The following DENND1C variants were observed in gnomAD, a reference collection of about 807,000 sequenced individuals.
DENND1C encodes DENN domain containing 1C, also known as DENN domain-containing protein 1C.
In DENND1C, 64 loss-of-function variants were observed where a neutral mutation model predicts 87.9. That is an observed-to-expected ratio of 0.73 (90% confidence interval 0.60 to 0.90). The LOEUF (loss-of-function observed/expected upper bound fraction) is 0.90. Among genes scored for constraint, DENND1C ranks in the 40% least tolerant of loss-of-function variants. The pLI, the probability that DENND1C is intolerant of heterozygous loss-of-function variation, is 0.00. For missense variants in DENND1C, 980 were observed against 1,037.0 expected (o/e 0.95, Z 0.76); for synonymous variants, 384 against 424.4 (o/e 0.90, Z 1.17).
intron 6 of DENND1C, among the ~76,000 whole-genome samples, chr19:6,478,198 C>T (rs1487224495): frequency 6.6e-6 from 1 of 152,166 alleles, no homozygotes; most frequent in East Asian, 1.9e-4. Context: ...CCTTGCTCTC[C>T]TGAGTAGCTG....
intron 17 of DENND1C, among the ~76,000 whole-genome samples, chr19:6,470,610 G>GTTTTTTTTT (rs1555747420): frequency 9.9e-6 from 1 of 100,692 alleles, no homozygotes. Flanking sequence ...TCAAAGAACA[G>GTTTTTTTTT]TTTTTTTTTG....
intron 1 of DENND1C, among the ~76,000 whole-genome samples, chr19:6,480,749 T>C (rs924401043): frequency 2.0e-5 from 3 of 151,668 alleles, no homozygotes; most frequent in African/African-American, 7.3e-5. Context: ...GGATTACAGG[T>C]GCCCGCCACC....
At chr19:6,469,159 G>A (rs995299573) in intron 19 of DENND1C, among the ~76,000 whole-genome samples, 14 of 152,090 alleles carry the variant, frequency 9.2e-5, no homozygotes, top group African/African-American at 3.4e-4. Flanking sequence ...AGCTTCCCAA[G>A]TAGCTGGGAT....
intron 17 of DENND1C, among the ~76,000 whole-genome samples, chr19:6,470,773 C>T (rs2092824581): frequency 6.6e-6 from 1 of 150,778 alleles, no homozygotes; most frequent in Admixed American, 6.6e-5. Flanking sequence ...AGGCGCCTGC[C>T]ACCACACCCG....
Position 6,467,403 on chromosome 19 carries a change from C to A in DENND1C, c.*101G>T. 1 of 1,396,894 alleles carries A rather than the reference C, an allele frequency of 7.2e-7. No homozygotes were observed. Among genetic ancestry groups the A allele is most frequent in the Non-Finnish European group, 9.4e-7 (1 of 1,066,848 alleles). 86.5% of individuals were successfully genotyped at this position (1,396,894 alleles called of 1,614,324 possible). On this transcript the variant is annotated 3_prime_UTR_variant, in exon 23 of 23. Coordinates refer to ENST00000381480, the MANE Select transcript of DENND1C (RefSeq NM_024898.4). The stretch of plus-strand genomic sequence containing the variant: ...GAGGTGGGTGGGATGGATTTCCGAG[C>A]AGAGTGAGGGCACCAGAGAAATTCA...
At chr19:6,480,464 C>CTA (rs1405122034) in intron 1 of DENND1C, 36 of 975,342 alleles carry the variant, frequency 3.7e-5, no homozygotes, top group South Asian at 9.5e-5. Context: ...CTCTCTCTCT[C>CTA]TATATATATA....
Position 6,468,931 on chromosome 19 carries a change from C to T in DENND1C, c.1430G>A (p.Arg477Lys), listed in dbSNP as rs772591704. ...MYKDGDSVLQ[R>K]GGSLRAPALP... ...GGCTGGGGCCCTCAGAGAGCCCCCC[C>T]TCTGCAGGACAGAGTCCCCATCCTA... Residue 477 changes from arginine (R) to lysine (K), a missense_variant, in exon 20 of 23, where the codon AGG (arginine) becomes AAG (lysine). Coordinates refer to ENST00000381480, the MANE Select transcript of DENND1C (RefSeq NM_024898.4). 2.1e-6 allele frequency: 3 copies of T among 1,454,694 alleles called. No individual in the cohort carries two copies. Among genetic ancestry groups the T allele is most frequent in the Non-Finnish European group, 1.8e-6 (2 of 1,106,584 alleles). 90.1% of individuals were successfully genotyped at this position (1,454,694 alleles called of 1,614,324 possible). A position where few individuals can be genotyped will look rare whatever the true frequency, so the allele number is the denominator to read the frequency against.
At chr19:6,477,333 CCCAT>C (rs1247213187) in intron 7 of DENND1C, 41 bp downstream of exon 7, 1 of 1,608,912 alleles carries the variant, frequency 6.2e-7, no homozygotes, top group African/African-American at 1.3e-5. Flanking sequence ...ACGCAGCCTT[CCCAT>C]CCACCTAAGG....
In DENND1C at chr19:6,479,919, G is replaced by A. The variant is rs903105364; in HGVS notation, c.83-17C>T. 11 of 1,598,676 alleles carry A rather than the reference G, an allele frequency of 6.9e-6. No homozygotes were observed. Among genetic ancestry groups the A allele is most frequent in the African/African-American group, 1.3e-5 (1 of 74,662 alleles). On this transcript the variant is annotated splice_polypyrimidine_tract_variant and intron_variant, in intron 2 of 22. Transcript: ENST00000381480. ...TGGGGGGATCTGTAGAAGAGAGCAC[G>A]CCTCTAAGTTCAGCGACCCAGGCCC...
chr19:6,479,532 C>G, intron 4 of DENND1C, 137 bp downstream of exon 4: 1 of 1,080,274 alleles, frequency 9.3e-7, no homozygotes, highest in Non-Finnish European at 1.4e-6. Flanking sequence ...CTCAGGGCCC[C>G]TGAGTGTCTG....
At chr19:6,477,030 GT>G in intron 9 of DENND1C, 43 bp downstream of exon 9, 1 of 1,613,354 alleles carries the variant, frequency 6.2e-7, no homozygotes, top group Non-Finnish European at 8.5e-7. Context: ...CCCGGTCCGG[GT>G]TTCGGGACCT....
In DENND1C at chr19:6,475,481, GACCAC is replaced by G; in HGVS notation, c.925_927+2del. 6.2e-7 allele frequency: 1 copy of G among 1,613,872 alleles called. No homozygotes were observed. Among genetic ancestry groups the G allele is most frequent in the South Asian group, 1.1e-5 (1 of 91,072 alleles). ...GCAGGAAGGTGGGAGGGGCGACACTGACCACGTCTGGAGGCAGCGCCTGCACGTCG... is the reference window on the plus strand; with the variant it reads ...GCAGGAAGGTGGGAGGGGCGACACTGGTCTGGAGGCAGCGCCTGCACGTCG... On this transcript the variant is annotated splice_donor_variant and coding_sequence_variant, in exon 13 of 23. Coordinates refer to ENST00000381480, the MANE Select transcript of DENND1C (RefSeq NM_024898.4). LOFTEE classifies it high-confidence loss of function.
Position 6,467,906 on chromosome 19 carries a change from C to T in DENND1C, c.2004G>A (p.Gly668=), listed in dbSNP as rs763831486. The T allele has an allele frequency of 2.8e-5, 45 of 1,612,880 alleles. No individual in the cohort carries two copies. Among genetic ancestry groups the T allele is most frequent in the South Asian group, 7.7e-5 (7 of 90,940 alleles). Residue 668 remains glycine (G), a synonymous_variant, in exon 23 of 23, where the codon GGG becomes GGA. Transcript: ENST00000381480. The part of the protein sequence containing the change: ...STASADPSIW[G]DPKPSPLTEP... Reference sequence around the variant, plus strand: ...CTGTGAGAGGAGAGGGTTTGGGGTCCCCCCAGATGCTTGGGTCTGCAGAAG... The same window carrying T: ...CTGTGAGAGGAGAGGGTTTGGGGTCTCCCCAGATGCTTGGGTCTGCAGAAG...
intron 12 of DENND1C, 31 bp from the exon 13 acceptor site, chr19:6,475,616 C>G: frequency 6.2e-7 from 1 of 1,613,842 alleles, no homozygotes; most frequent in Non-Finnish European, 8.5e-7. Flanking sequence ...CCGCTCAGAG[C>G]CCGGGAGTCC....
In DENND1C at chr19:6,479,263, GGATCTC is replaced by G. The variant is rs576326438; in HGVS notation, c.177-213_177-208del. 3.0e-3 allele frequency among the ~76,000 whole-genome samples: 448 copies of G among 150,952 alleles called. 4 individuals carry two copies. The highest frequency in any genetic ancestry group is 0.01 in the African/African-American group (425 of 40,568). On this transcript the variant is annotated intron_variant, in intron 4 of 22. Coordinates refer to ENST00000381480, the MANE Select transcript of DENND1C (RefSeq NM_024898.4). ...TGGGTCCCTGAGTCCCTGGGTCCCT[GGATCTC>G]TGGGTTTCTGGATCTCTGGGTCCTT...
Position 6,475,370 on chromosome 19 carries a change from C to A in DENND1C, c.957G>T (p.Lys319Asn). 6.2e-7 allele frequency: 1 copy of A among 1,612,024 alleles called. No homozygotes were observed. Among genetic ancestry groups the A allele is most frequent in the Non-Finnish European group, 8.5e-7 (1 of 1,178,792 alleles). ...CCCCTTCCCCGGGGGCCAGGGCGAC[C>A]TTCCTGAGCCGGAGCCTCAGCAGGG... ...VVSLLRLRLR[K>N]VALAPGEGVS... Residue 319 changes from lysine to asparagine, a missense_variant, in exon 14 of 23, where the codon AAG becomes AAT. Coordinates refer to ENST00000381480, the MANE Select transcript of DENND1C (RefSeq NM_024898.4).
At chr19:6,476,288 GC>G (rs1376981663) in intron 10 of DENND1C, 1 of 265,168 alleles carries the variant, frequency 3.8e-6, no homozygotes, top group African/African-American at 2.3e-5. Context: ...CCCTTGTCCC[GC>G]CCCTAGGGGT....
In DENND1C at chr19:6,471,305, C is replaced by A; in HGVS notation, c.1250G>T (p.Gly417Val). 6.3e-7 allele frequency: 1 copy of A among 1,598,272 alleles called. No individual in the cohort carries two copies. The highest frequency in any genetic ancestry group is 1.1e-5 in the South Asian group (1 of 88,534). Residue 417 changes from glycine to valine, a missense_variant and splice_region_variant, in exon 17 of 23, where the codon GGG becomes GTG. Gly to Val is a moderately radical substitution (Grantham distance 109, BLOSUM62 -3). Transcript: ENST00000381480. Reference sequence around the variant, plus strand: ...CCAGAGCTGATAGGATCGAAGGGCCCCTGGGGTAAGGAGAGAGTGTGGTGG... The same window carrying A: ...CCAGAGCTGATAGGATCGAAGGGCCACTGGGGTAAGGAGAGAGTGTGGTGG... The part of the protein sequence containing the change: ...QEITGCGASS[G>V]ALRSYQLWAD...
chr19:6,474,837 T>G (rs912095033), intron 14 of DENND1C, among the ~76,000 whole-genome samples: 1 of 152,060 alleles, frequency 6.6e-6, no homozygotes, highest in South Asian at 2.1e-4. Context: ...AGGAGCCTGA[T>G]GCGGGCAGAT....
Sources: allele counts gnomAD v4.1 joint callset (sites outside exome capture counted in the v4.1 genomes callset), GRCh38; gene constraint gnomAD v4.1.1; transcripts MANE v1.5; gene names NCBI Gene and HGNC (gene_info 2026-07-23, HGNC 2026-07-21).